KCNMA1: variants seen among roughly 807,000 people sequenced by gnomAD.
KCNMA1 encodes Calcium-activated potassium channel subunit alpha-1.
Under a neutral mutation model 140.0 loss-of-function variants are expected in KCNMA1, and 29 were observed. That is an observed-to-expected ratio of 0.21 (90% CI 0.15 to 0.28). KCNMA1 has a LOEUF of 0.28. Among genes scored for constraint, KCNMA1 ranks in the 10% least tolerant of loss-of-function variants. The pLI, the probability that KCNMA1 is intolerant of heterozygous loss-of-function variation, is 1.00. For synonymous variants in KCNMA1, 612 were observed against 611.9 expected (o/e 1.00, Z 0.00); for missense variants, 880 against 1,602.2 (o/e 0.55, Z 7.70).
chr10:77,538,948 C>T (rs2059537789), intron 1 of KCNMA1, among the ~76,000 whole-genome samples: 1 of 152,178 alleles, frequency 6.6e-6, no homozygotes, highest in Admixed American at 6.5e-5. Context: ...TAGGAGGCTC[C>T]GTACATAGGT....
At chr10:76,940,281 G>C (rs564834264) in intron 23 of KCNMA1, among the ~76,000 whole-genome samples, 137 of 152,298 alleles carry the variant, frequency 9.0e-4, no homozygotes, top group African/African-American at 3.2e-3. Flanking sequence ...GGTCAGTTCT[G>C]ACACCATGTG....
intron 9 of KCNMA1, among the ~76,000 whole-genome samples, chr10:77,104,810 A>G (rs2097168356): frequency 6.6e-6 from 1 of 152,140 alleles, no homozygotes; most frequent in African/African-American, 2.4e-5. Context: ...CCTCTGGGGG[A>G]AACTGCAAGG....
intron 2 of KCNMA1, among the ~76,000 whole-genome samples, chr10:77,298,097 G>A (rs552299677): frequency 2.6e-5 from 4 of 152,256 alleles, no homozygotes; most frequent in African/African-American, 7.2e-5. Context: ...GAATTGTATC[G>A]TAAGAATGGA....
chr10:77,555,052 C>CCACACACACACA (rs2154557754), intron 1 of KCNMA1, among the ~76,000 whole-genome samples: 1 of 108,748 alleles, frequency 9.2e-6, no homozygotes, highest in Non-Finnish European at 1.8e-5. Flanking sequence ...TTCACTCTTA[C>CCACACACACACA]CACATACACA....
intron 1 of KCNMA1, among the ~76,000 whole-genome samples, chr10:77,554,597 C>CAAAAAAAAAAAAA (rs59754706): frequency 2.3e-4 from 19 of 84,016 alleles, no homozygotes; most frequent in Admixed American, 4.2e-4. Context: ...TACTCCATCT[C>CAAAAAAAAAAAAA]AAAAAAAAAA....
intron 14 of KCNMA1, among the ~76,000 whole-genome samples, chr10:77,049,279 G>A (rs948646518): frequency 6.6e-6 from 1 of 152,108 alleles, no homozygotes; most frequent in East Asian, 1.9e-4. Context: ...TCCTCTCTGA[G>A]GCCTTTCCTC....
At chr10:76,909,457 AG>A (rs2049173768) in intron 25 of KCNMA1, among the ~76,000 whole-genome samples, 1 of 152,154 alleles carries the variant, frequency 6.6e-6, no homozygotes, top group South Asian at 2.1e-4. Context: ...CTTAAGAAAA[AG>A]TCCAAAACCA....
chr10:77,382,988 G>GTATATATATA (rs2095470217), intron 2 of KCNMA1, among the ~76,000 whole-genome samples: 15 of 44,970 alleles, frequency 3.3e-4, no homozygotes, highest in African/African-American at 2.0e-3. Flanking sequence ...GTGTGTGTGT[G>GTATATATATA]TGTGTGTATA....
Position 77,108,075 on chromosome 10 carries a change from A to G in KCNMA1, c.1223+406T>C, listed in dbSNP as rs1449111940. On this transcript the variant is annotated intron_variant, in intron 9 of 27. Transcript: ENST00000286628. This position sits in a 1 kb window ranked among gnomAD's most constrained non-coding sequence, Gnocchi z 4.6. The stretch of plus-strand genomic sequence containing the variant: ...TATAAATGGACTCCTTTCAGGATAA[A>G]TTCATTACATCTCTTGGAATTTGTG... Among the ~76,000 whole-genome samples the G allele has an allele frequency of 6.6e-6, 1 of 152,198 alleles. No homozygotes were observed. The highest frequency in any genetic ancestry group is 2.4e-5 in the African/African-American group (1 of 41,452).
At position 77,396,211 on chromosome 10, in the gene KCNMA1, G is replaced by C. The variant is rs569376861; in HGVS notation, c.540+7651C>G. 4.6e-5 allele frequency among the ~76,000 whole-genome samples: 7 copies of C among 152,294 alleles called. No individual in the cohort carries two copies. The South Asian group carries it at 1.4e-3, about 32-fold the overall frequency. On this transcript the variant is annotated intron_variant, in intron 2 of 27. Coordinates refer to ENST00000286628, the MANE Select transcript of KCNMA1 (RefSeq NM_001161352.2). ...ACATTCTTACTAAAAGTACAGTCCT[G>C]TGAAACCTCTAGTCTTTCTGCTACA...
intron 14 of KCNMA1, among the ~76,000 whole-genome samples, chr10:77,058,204 A>G (rs1376685450): frequency 6.6e-6 from 1 of 152,098 alleles, no homozygotes; most frequent in African/African-American, 2.4e-5. Flanking sequence ...AAAAAGGTCA[A>G]TTCACCAAGA....
At chr10:77,409,349 G>A (rs2096568601) in intron 1 of KCNMA1, among the ~76,000 whole-genome samples, 2 of 152,216 alleles carry the variant, frequency 1.3e-5, no homozygotes, top group African/African-American at 4.8e-5. Context: ...GTACAGATGA[G>A]AAAACTGAGG....
intron 23 of KCNMA1, among the ~76,000 whole-genome samples, chr10:76,934,034 G>A (rs985019557): frequency 2.0e-5 from 3 of 151,974 alleles, no homozygotes; most frequent in Non-Finnish European, 2.9e-5. Context: ...GGGCAATGGC[G>A]CAATCTCGGC....
chr10:77,624,310 C>A (rs2092118627), intron 1 of KCNMA1, among the ~76,000 whole-genome samples: 1 of 152,166 alleles, frequency 6.6e-6, no homozygotes, highest in South Asian at 2.1e-4. Flanking sequence ...TGTTCTGAAC[C>A]ATTCCCCCAC....
intron 1 of KCNMA1, among the ~76,000 whole-genome samples, chr10:77,544,782 C>T (rs1041945497): frequency 6.6e-6 from 1 of 152,144 alleles, no homozygotes; most frequent in African/African-American, 2.4e-5. Flanking sequence ...GAATACAAAG[C>T]CTGTGTTTTT....
intron 1 of KCNMA1, among the ~76,000 whole-genome samples, chr10:77,511,186 C>T (rs969187476): frequency 2.6e-5 from 4 of 152,202 alleles, no homozygotes; most frequent in African/African-American, 9.6e-5. Context: ...CAGCTCTGGG[C>T]TGGGACCCAA....
intron 1 of KCNMA1, among the ~76,000 whole-genome samples, chr10:77,448,811 C>T (rs1001676654): frequency 1.3e-5 from 2 of 151,960 alleles, no homozygotes; most frequent in African/African-American, 2.4e-5. Context: ...ACTAACAGGC[C>T]GGGTGCAGTG....
intron 23 of KCNMA1, among the ~76,000 whole-genome samples, chr10:76,936,338 C>A (rs934197780): frequency 6.6e-6 from 1 of 152,164 alleles, no homozygotes; most frequent in Non-Finnish European, 1.5e-5. Context: ...AAATCACAAA[C>A]CAATAAAAGA....
At position 76,995,426 on chromosome 10, in the gene KCNMA1, G is replaced by A. The variant is rs878926980; in HGVS notation, c.2266+5981C>T. The A allele has an allele frequency of 5.4e-5, 21 of 387,312 alleles. 1 individual carries two copies. The highest frequency in any genetic ancestry group is 2.8e-4 in the South Asian group (14 of 50,368). 24.0% of individuals were successfully genotyped at this position (387,312 alleles called of 1,614,324 possible). A position where few individuals can be genotyped will look rare whatever the true frequency, so the allele number is the denominator to read the frequency against. ...GCAGGTGGAGGAAAGAGGCAGAGAC[G>A]GACTTGACATTTGCTCCAAGCCTGC... On this transcript the variant is annotated intron_variant, in intron 19 of 27. Transcript: ENST00000286628.
Sources: gnomAD v4.1 joint callset for allele counts (sites outside exome capture counted in the v4.1 genomes callset) on GRCh38, gnomAD v4.1.1 for gene constraint, Gnocchi (gnomAD v3.1) non-coding constraint, MANE v1.5 for transcripts, NCBI Gene and HGNC (gene_info 2026-07-23, HGNC 2026-07-21) for gene names.